Variants in RNF152 observed in about 807,000 individuals in gnomAD.
RNF152 encodes the protein ring finger protein 152, also known as E3 ubiquitin-protein ligase RNF152.
In RNF152, 11 loss-of-function variants were observed where a neutral mutation model predicts 12.7. The ratio of observed to expected loss-of-function variants is 0.86; its 90% CI spans 0.54 to 1.43. The LOEUF is 1.43. Ranked by LOEUF, RNF152 falls within the 40% of genes most tolerant of loss-of-function variation. The probability of loss-of-function intolerance (pLI) is 0.00; values close to 1 mark genes in which losing one functional copy is unlikely to be tolerated. For missense variants in RNF152, 255 were observed against 274.8 expected (o/e 0.93, Z 0.51); for synonymous variants, 113 against 120.3 (o/e 0.94, Z 0.40).
chr18:61,891,496 T>C (rs768230032), intron 1 of RNF152, among the ~76,000 whole-genome samples: 2 of 152,176 alleles, frequency 1.3e-5, no homozygotes, highest in Non-Finnish European at 2.9e-5. Flanking sequence ...TCCCATCACA[T>C]GTTTTTTCTT....
intron 1 of RNF152, among the ~76,000 whole-genome samples, chr18:61,868,864 T>A (rs1412713514): frequency 6.6e-6 from 1 of 152,130 alleles, no homozygotes; most frequent in East Asian, 1.9e-4. Flanking sequence ...GGAGCAGGCA[T>A]TACAAAGGCA....
At chr18:61,838,480 G>A (rs1910288934) in intron 1 of RNF152, among the ~76,000 whole-genome samples, 1 of 152,170 alleles carries the variant, frequency 6.6e-6, no homozygotes, top group African/African-American at 2.4e-5. Flanking sequence ...AACATTAGCA[G>A]AAATGAATCT....
chr18:61,883,861 T>C (rs146979699), intron 1 of RNF152, among the ~76,000 whole-genome samples: 30 of 152,256 alleles, frequency 2.0e-4, no homozygotes, highest in African/African-American at 7.0e-4. Flanking sequence ...CCCCACTTCC[T>C]CCTGAGAAGG....
At chr18:61,869,139 T>C (rs1190600932) in intron 1 of RNF152, among the ~76,000 whole-genome samples, 1 of 152,194 alleles carries the variant, frequency 6.6e-6, no homozygotes, top group Non-Finnish European at 1.5e-5. Flanking sequence ...CTAAGTAGGA[T>C]GAGCTAAAGG....
Position 61,878,505 on chromosome 18 carries a change from G to A in RNF152, c.-136+14290C>T, listed in dbSNP as rs1420722950. 5.9e-5 allele frequency among the ~76,000 whole-genome samples: 9 copies of A among 152,322 alleles called. No individual in the cohort carries two copies. In the East Asian group the frequency reaches 1.5e-3, roughly 26 times the overall value. On this transcript the variant is annotated intron_variant, in intron 1 of 1. Transcript: ENST00000312828. The stretch of plus-strand genomic sequence containing the variant: ...CACTTGTTTGTTCATTTGCTTGTTT[G>A]AGCCTCCATTCATTCATCCAAACTC...
chr18:61,886,364 G>T (rs1184181534), intron 1 of RNF152, among the ~76,000 whole-genome samples: 1 of 152,130 alleles, frequency 6.6e-6, no homozygotes, highest in African/African-American at 2.4e-5. Context: ...AACACACAAT[G>T]GTGTAAAGCC....
chr18:61,875,441 A>G (rs1360718446), intron 1 of RNF152, among the ~76,000 whole-genome samples: 2 of 152,138 alleles, frequency 1.3e-5, no homozygotes, highest in African/African-American at 4.8e-5. Flanking sequence ...CCAGAAAACA[A>G]ATTTTTTTTC....
chr18:61,814,956 T>G lies in RNF152; in HGVS notation c.*896A>C, dbSNP rs546767245. 3.9e-5 allele frequency: 6 copies of G among 152,572 alleles called. No homozygotes were observed. Among genetic ancestry groups the G allele is most frequent in the Non-Finnish European group, 7.3e-5 (5 of 68,040 alleles). The allele number at this position is 152,572 out of a possible 1,614,324, so 9.5% of individuals were successfully genotyped here. On this transcript the variant is annotated 3_prime_UTR_variant, in exon 2 of 2. Transcript: ENST00000312828. ...AAGAAGTGGCCACCGCTTCAGAGAC[T>G]TGACTCATTCATGCCCAATGAAGTC...
At chr18:61,864,517 C>T (rs563069189) in intron 1 of RNF152, among the ~76,000 whole-genome samples, 3 of 152,274 alleles carry the variant, frequency 2.0e-5, no homozygotes, top group African/African-American at 7.2e-5. Context: ...CGACCAGAAC[C>T]CTGTCACTTA....
chr18:61,887,701 CAA>C (rs34170984), intron 1 of RNF152, among the ~76,000 whole-genome samples: 14,085 of 105,836 alleles, frequency 0.13, 873 homozygotes, highest in East Asian at 0.4. Flanking sequence ...GACTCCATCT[CAA>C]AAAAAAAAAA....
intron 1 of RNF152, among the ~76,000 whole-genome samples, chr18:61,870,911 C>A (rs565228914): frequency 6.6e-6 from 1 of 152,200 alleles, no homozygotes; most frequent in South Asian, 2.1e-4. Flanking sequence ...CAGTTCAGCC[C>A]AGCTGTCTAG....
chr18:61,840,133 C>A (rs1009271330), intron 1 of RNF152, among the ~76,000 whole-genome samples: 27 of 152,216 alleles, frequency 1.8e-4, no homozygotes, highest in Admixed American at 1.4e-3. Flanking sequence ...CTTATTTGCT[C>A]TTTCCCTCAT....
chr18:61,889,561 C>T (rs1167160393), intron 1 of RNF152, among the ~76,000 whole-genome samples: 1 of 152,194 alleles, frequency 6.6e-6, no homozygotes, highest in Non-Finnish European at 1.5e-5. Flanking sequence ...GAACTCACCA[C>T]CCTCCTAGTC....
rs1014293203 is a variant in RNF152 at position 61,811,064 on chromosome 18, A to G, written c.*4788T>C. On this transcript the variant is annotated 3_prime_UTR_variant, in exon 2 of 2. Coordinates refer to ENST00000312828, the MANE Select transcript of RNF152 (RefSeq NM_173557.3). ...TATCTTGGCAAAAAAAAAAAAATTAAATGATTTTTAAAGGCAAGCTAAGAA... is the reference window on the plus strand; with the variant it reads ...TATCTTGGCAAAAAAAAAAAAATTAGATGATTTTTAAAGGCAAGCTAAGAA... 1.3e-5 allele frequency: 2 copies of G among 152,040 alleles called. No individual in the cohort carries two copies. The highest frequency in any genetic ancestry group is 2.9e-5 in the Non-Finnish European group (2 of 67,982). 9.4% of individuals were successfully genotyped at this position (152,040 alleles called of 1,614,324 possible).
intron 1 of RNF152, among the ~76,000 whole-genome samples, chr18:61,885,185 A>C (rs1912630530): frequency 6.6e-6 from 1 of 152,216 alleles, no homozygotes; most frequent in Non-Finnish European, 1.5e-5. Context: ...CATATTATTA[A>C]TCTTCGAGGA....
intron 1 of RNF152, among the ~76,000 whole-genome samples, chr18:61,843,206 C>T (rs890741796): frequency 1.3e-5 from 2 of 152,168 alleles, no homozygotes; most frequent in Non-Finnish European, 2.9e-5. Context: ...ATTTTCTTTT[C>T]AACTCGTGCA....
chr18:61,819,729 T>C (rs1909287020), intron 1 of RNF152, among the ~76,000 whole-genome samples: 1 of 151,608 alleles, frequency 6.6e-6, no homozygotes, highest in Non-Finnish European at 1.5e-5. Flanking sequence ...TATTAAAGAG[T>C]CAAAGAGAAG....
At chr18:61,845,335 C>G (rs913400108) in intron 1 of RNF152, among the ~76,000 whole-genome samples, 25 of 152,212 alleles carry the variant, frequency 1.6e-4, no homozygotes, top group African/African-American at 5.8e-4. Flanking sequence ...TCAAATAAAA[C>G]CTCATTAAAC....
At chr18:61,847,926 G>A (rs536537221) in intron 1 of RNF152, among the ~76,000 whole-genome samples, 1 of 152,190 alleles carries the variant, frequency 6.6e-6, no homozygotes, top group African/African-American at 2.4e-5. Flanking sequence ...TTCCTTGACT[G>A]CCTTTTTACA....
Sources: allele counts gnomAD v4.1 joint callset (sites outside exome capture counted in the v4.1 genomes callset), GRCh38; gene constraint gnomAD v4.1.1; transcripts MANE v1.5; gene names NCBI Gene and HGNC (gene_info 2026-07-23, HGNC 2026-07-21).